Variants in SELENON observed in about 807,000 individuals in gnomAD.
SELENON encodes the protein selenoprotein N, 1.
In SELENON, 44 loss-of-function variants were observed where a neutral mutation model predicts 59.5. The observed-to-expected ratio is 0.74, with a 90% CI of 0.58 to 0.95. SELENON has a LOEUF of 0.95. Among genes scored for constraint, SELENON ranks in the 40% least tolerant of loss-of-function variants. The probability of loss-of-function intolerance (pLI) is 0.00; values close to 1 mark genes in which losing one functional copy is unlikely to be tolerated. For missense variants in SELENON, 674 were observed against 721.4 expected (o/e 0.93, Z 0.75); for synonymous variants, 320 against 305.6 (o/e 1.05, Z -0.49).
At chr1:25,806,907 C>T (rs990238944) in intron 4 of SELENON, among the ~76,000 whole-genome samples, 6 of 151,048 alleles carry the variant, frequency 4.0e-5, no homozygotes, top group Non-Finnish European at 3.0e-5. Context: ...CTGCAAGCTC[C>T]GCCTCCCGGG....
chr1:25,809,854 C>G, intron 7 of SELENON, 34 bp downstream of exon 6: 1 of 1,609,864 alleles, frequency 6.2e-7, no homozygotes, highest in Non-Finnish European at 8.5e-7. Flanking sequence ...CCTTGGCTCC[C>G]TCCTACAGCT....
At chr1:25,803,532 T>A (rs1195734456) in intron 3 of SELENON, among the ~76,000 whole-genome samples, 1 of 152,162 alleles carries the variant, frequency 6.6e-6, no homozygotes, top group Non-Finnish European at 1.5e-5. Context: ...TAAAACTTTT[T>A]ATTAAAAAGC....
At position 25,801,140 on chromosome 1, in the gene SELENON, C is replaced by G; in HGVS notation, c.281C>G (p.Pro94Arg). 1.2e-6 allele frequency: 2 copies of G among 1,613,914 alleles called. No individual in the cohort carries two copies. Among genetic ancestry groups the G allele is most frequent in the Non-Finnish European group, 1.7e-6 (2 of 1,179,834 alleles). ...TACATCAGCCCTGAGGAGTTCAAAC[C>G]CATTGCTGAGAAGCTAACAGGTACC... Residue 94 changes from proline (P) to arginine (R), a missense_variant, in exon 2 of 13, where the codon CCC becomes CGC. Physicochemically the swap from Pro to Arg is moderately radical, Grantham distance 103. Coordinates refer to ENST00000361547, the MANE Select transcript of SELENON (RefSeq NM_020451.3).
chr1:25,807,898 C>T lies in SELENON; in HGVS notation c.538-682C>T, dbSNP rs1005569933. ...GCGAGGCAGGTCACCGATGAGGACT[C>T]GGGCTTAGGGAAGGCCTTTTGCCCA... On this transcript the variant is annotated intron_variant, in intron 4 of 12. Transcript: ENST00000361547. The surrounding 1 kb of genome is among the most constrained non-coding windows in gnomAD (Gnocchi z 4.5). 6.6e-5 allele frequency among the ~76,000 whole-genome samples: 10 copies of T among 152,308 alleles called. No individual in the cohort carries two copies. Among genetic ancestry groups the T allele is most frequent in the Admixed American group, 2.6e-4 (4 of 15,306 alleles).
At position 25,817,724 on chromosome 1, in the gene SELENON, G is replaced by T. The variant is rs1163480539; in HGVS notation, c.*2006G>T. On this transcript the variant is annotated 3_prime_UTR_variant, in exon 13 of 13. Coordinates refer to ENST00000361547, the MANE Select transcript of SELENON (RefSeq NM_020451.3). ...CTCCAAAGTCTGCATCTGGATTTGGGGGTGTTTTTTGGCATGGCACCCTCA... is the reference window on the plus strand; with the variant it reads ...CTCCAAAGTCTGCATCTGGATTTGGTGGTGTTTTTTGGCATGGCACCCTCA... 6.6e-6 allele frequency: 1 copy of T among 152,190 alleles called. No individual in the cohort carries two copies. The highest frequency in any genetic ancestry group is 2.4e-5 in the African/African-American group (1 of 41,432). 9.4% of individuals were successfully genotyped at this position (152,190 alleles called of 1,614,324 possible). A position where few individuals can be genotyped will look rare whatever the true frequency, so the allele number is the denominator to read the frequency against.
At chr1:25,813,713 T>C (rs2047986171) in intron 10 of SELENON, 168 bp from the exon 10 acceptor site, 6 of 671,356 alleles carry the variant, frequency 8.9e-6, no homozygotes, top group Admixed American at 6.4e-5. Context: ...ATATTATTGA[T>C]GTTAATTCCA....
rs41284305 is a variant in SELENON, at chr1:25,813,921, G to A, written c.1428G>A (p.Ser476=). The A allele has an allele frequency of 6.1e-4, 982 of 1,614,048 alleles. 1 individual carries two copies. The highest frequency in any genetic ancestry group is 9.2e-4 in the South Asian group (84 of 91,074). Residue 476 remains serine, a synonymous_variant, in exon 11 of 13, where the codon TCG becomes TCA. Coordinates refer to ENST00000361547, the MANE Select transcript of SELENON (RefSeq NM_020451.3). ...TCCGGGAGACTGTCCTGGAAAGTTC[G>A]CCCATCCTCACCCTGCTCAACGAGA...
At chr1:25,803,716 G>GTTTTTTTT (rs1305818320) in intron 3 of SELENON, among the ~76,000 whole-genome samples, 2 of 96,124 alleles carry the variant, frequency 2.1e-5, no homozygotes, top group Non-Finnish European at 2.4e-5. Context: ...TTGTTTTTTT[G>GTTTTTTTT]TTTTTTTTTT....
At chr1:25,801,691 CAAAA>C (rs35463034) in intron 2 of SELENON, among the ~76,000 whole-genome samples, 2 of 151,782 alleles carry the variant, frequency 1.3e-5, no homozygotes, top group Non-Finnish European at 2.9e-5. Flanking sequence ...ACCAAAAAAA[CAAAA>C]AAACCATTCC....
intron 1 of SELENON, among the ~76,000 whole-genome samples, 177 bp downstream of exon 1, chr1:25,800,590 G>A (rs1430827970): frequency 6.6e-6 from 1 of 150,968 alleles, no homozygotes; most frequent in East Asian, 1.9e-4. Context: ...GGTGCCTGGG[G>A]CCGGGCTGAT....
chr1:25,811,152 T>A (rs1212685238), intron 7 of SELENON, among the ~76,000 whole-genome samples: 1 of 152,204 alleles, frequency 6.6e-6, no homozygotes, highest in Non-Finnish European at 1.5e-5. Context: ...TGGCCATCTC[T>A]CTGCTTCAAA....
At position 25,809,864 on chromosome 1, in the gene SELENON, T is replaced by C. The variant is rs1399521166; in HGVS notation, c.1010+44T>C. On this transcript the variant is annotated intron_variant, in intron 7 of 12. Coordinates refer to ENST00000361547, the MANE Select transcript of SELENON (RefSeq NM_020451.3). ...CCCAGCCTTGGCTCCCTCCTACAGC[T>C]TGTCCTGCTCCCCAGCTCCAGGAGC... is the stretch of plus-strand genomic sequence containing the variant. The C allele has an allele frequency of 1.9e-6, 3 of 1,607,630 alleles. No individual in the cohort carries two copies. The African/African-American group carries it at 4.0e-5, about 21-fold the overall frequency.
intron 3 of SELENON, 66 bp from the exon 3 acceptor site, chr1:25,805,076 G>T: frequency 6.2e-7 from 1 of 1,605,496 alleles, no homozygotes; most frequent in Non-Finnish European, 8.5e-7. Context: ...AGCTAGTGTG[G>T]ATGATGAGGG....
Position 25,800,284 on chromosome 1 carries a change from G to T in SELENON, c.54G>T (p.Ala18=), listed in dbSNP as rs1161818369. 2 of 985,798 alleles carry T rather than the reference G, an allele frequency of 2.0e-6. No individual in the cohort carries two copies. The highest frequency in any genetic ancestry group is 2.4e-6 in the Non-Finnish European group (2 of 830,136). 61.1% of individuals were successfully genotyped at this position (985,798 alleles called of 1,614,324 possible). Reference sequence around the variant, plus strand: ...GGCCGCCCAGCCCCGGCCCCGCCGCGCAGCCTCCCGCGCCACCGCGCCGCC... The same window carrying T: ...GGCCGCCCAGCCCCGGCCCCGCCGCTCAGCCTCCCGCGCCACCGCGCCGCC... Residue 18 remains alanine, a synonymous_variant, in exon 1 of 13, where the codon GCG becomes GCT. Coordinates refer to ENST00000361547, the MANE Select transcript of SELENON (RefSeq NM_020451.3).
In SELENON at chr1:25,802,017, G is replaced by A. The variant is rs2047864943; in HGVS notation, c.303G>A (p.Gly101=). Reference sequence around the variant, plus strand: ...ACTTTTTTTTTTTTTTTGAGACAGGGTCTTGTTCTGTCACCCAGACTGGAG... The same window carrying A: ...ACTTTTTTTTTTTTTTTGAGACAGGATCTTGTTCTGTCACCCAGACTGGAG... Residue 101 remains glycine, a splice_region_variant and synonymous_variant, in exon 3 of 13, where the codon GGG becomes GGA. Coordinates refer to ENST00000361547, the MANE Select transcript of SELENON (RefSeq NM_020451.3). 1 of 255,660 alleles carries A rather than the reference G, an allele frequency of 3.9e-6. No homozygotes were observed. The highest frequency in any genetic ancestry group is 8.1e-6 in the Non-Finnish European group (1 of 124,088). 15.8% of individuals were successfully genotyped at this position (255,660 alleles called of 1,614,324 possible). A position where few individuals can be genotyped will look rare whatever the true frequency, so the allele number is the denominator to read the frequency against.
intron 12 of SELENON, 45 bp downstream of exon 11, chr1:25,814,223 G>A: frequency 6.7e-7 from 1 of 1,492,478 alleles, no homozygotes; most frequent in African/African-American, 1.4e-5. Flanking sequence ...GCACCTCGGG[G>A]CCCCGGGAGC....
rs1329648911 is a variant in SELENON at position 25,800,288 on chromosome 1, C to T, written c.58C>T (p.Pro20Ser). The change falls in exon 1 of 13, where the codon CCT becomes TCT. Residue 20 changes from proline (P) to serine (S), a missense_variant. Coordinates refer to ENST00000361547, the MANE Select transcript of SELENON (RefSeq NM_020451.3). ...GCCCAGCCCCGGCCCCGCCGCGCAG[C>T]CTCCCGCGCCACCGCGCCGCCGCGC... The T allele has an allele frequency of 2.0e-6, 2 of 987,532 alleles. No individual in the cohort carries two copies. The highest frequency in any genetic ancestry group is 2.4e-6 in the Non-Finnish European group (2 of 831,362). 61.2% of individuals were successfully genotyped at this position (987,532 alleles called of 1,614,324 possible).
chr1:25,805,097 C>T, intron 3 of SELENON, 45 bp from the exon 3 acceptor site: 1 of 1,610,862 alleles, frequency 6.2e-7, no homozygotes, highest in South Asian at 1.1e-5. Context: ...AGAGGTGAGC[C>T]CTGTAGCATA....
Position 25,800,280 on chromosome 1 carries a change from C to A in SELENON, c.50C>A (p.Ala17Asp). 1 of 983,250 alleles carries A rather than the reference C, an allele frequency of 1.0e-6. No individual in the cohort carries two copies. Among genetic ancestry groups the A allele is most frequent in the Non-Finnish European group, 1.2e-6 (1 of 827,938 alleles). The allele number at this position is 983,250 out of a possible 1,614,324, so 60.9% of individuals were successfully genotyped here. A position where few individuals can be genotyped will look rare whatever the true frequency, so the allele number is the denominator to read the frequency against. The change falls in exon 1 of 13, where the codon GCC becomes GAC. Residue 17 changes from alanine (A) to aspartate (D), a missense_variant. Physicochemically the swap from Ala to Asp is moderately radical, Grantham distance 126. Coordinates refer to ENST00000361547, the MANE Select transcript of SELENON (RefSeq NM_020451.3). ...CGCGGGCCGCCCAGCCCCGGCCCCG[C>A]CGCGCAGCCTCCCGCGCCACCGCGC...
Sources: allele counts gnomAD v4.1 joint callset (sites outside exome capture counted in the v4.1 genomes callset), GRCh38; gene constraint gnomAD v4.1.1; non-coding constraint Gnocchi (gnomAD v3.1); transcripts MANE v1.5; gene names NCBI Gene and HGNC (gene_info 2026-07-23, HGNC 2026-07-21).